Variants in ZNF577 observed in about 807,000 individuals in gnomAD.
ZNF577 encodes zinc finger protein 577.
Under a neutral mutation model 13.9 loss-of-function variants are expected in ZNF577, and 14 were observed. That is an observed-to-expected ratio of 1.00 (90% CI 0.66 to 1.57). The LOEUF (loss-of-function observed/expected upper bound fraction) is 1.57. ZNF577 is among the 40% of genes most tolerant of loss of function. The pLI, the probability that ZNF577 is intolerant of heterozygous loss-of-function variation, is 0.00. For synonymous variants in ZNF577, 203 were observed against 202.9 expected, an observed-to-expected ratio of 1.00 and a Z score of 0.00; for missense variants, 555 against 579.2, an observed-to-expected ratio of 0.96 and a Z score of 0.43.
In ZNF577 at chr19:51,871,563, T is replaced by G. The variant is rs1215295176; in HGVS notation, c.*969A>C. The G allele has an allele frequency of 6.6e-6, 1 of 152,240 alleles. No individual in the cohort carries two copies. The highest frequency in any genetic ancestry group is 1.5e-5 in the Non-Finnish European group (1 of 68,044). The allele number at this position is 152,240 out of a possible 1,614,324, so 9.4% of individuals were successfully genotyped here. Reference sequence around the variant, plus strand: ...TTTAACATTTCAAGAGCATCTATAATGCTCACATATAACAATCATAGCATA... The same window carrying G: ...TTTAACATTTCAAGAGCATCTATAAGGCTCACATATAACAATCATAGCATA... On this transcript the variant is annotated 3_prime_UTR_variant, in exon 6 of 6. Coordinates refer to ENST00000638348, the MANE Select transcript of ZNF577 (RefSeq NM_001370449.1).
chr19:51,878,356 A>C, intron 4 of ZNF577, 33 bp downstream of exon 4: 1 of 1,609,102 alleles, frequency 6.2e-7, no homozygotes. Context: ...CAAATAAGAA[A>C]GAAAAGGTAA....
In ZNF577 at chr19:51,877,295, A is replaced by T. The variant is rs1394463853; in HGVS notation, c.270T>A (p.Ser90Arg). 6.2e-7 allele frequency: 1 copy of T among 1,613,772 alleles called. No homozygotes were observed. The highest frequency in any genetic ancestry group is 2.2e-5 in the East Asian group (1 of 44,882). ...TCACTCACTTACCTGGACAGATTTG[A>T]CTGTGGGCTGCTCCTTCTGCTATCC... Reference protein sequence around the residue: ...PPGIAEGAAHSQICPGFVIQS... With the variant: ...PPGIAEGAAHRQICPGFVIQS... The change falls in exon 5 of 6, where the codon AGT (serine) becomes AGA (arginine). Residue 90 changes from serine (S) to arginine (R), a missense_variant. Physicochemically the swap from Ser to Arg is moderately radical, Grantham distance 110. Transcript: ENST00000638348.
intron 1 of ZNF577, chr19:51,886,402 T>C (rs1348333071): frequency 1.3e-5 from 2 of 152,236 alleles, no homozygotes; most frequent in Admixed American, 6.5e-5. Flanking sequence ...CAATGGATTA[T>C]GGATTATTCC....
chr19:51,846,652 G>C (rs1024438068), intron 5 of ZNF577, among the ~76,000 whole-genome samples: 7 of 151,962 alleles, frequency 4.6e-5, no homozygotes, highest in Non-Finnish European at 1.0e-4. Flanking sequence ...AGGTTGCAGT[G>C]AGCCGAGATC....
chr19:51,829,652 C>T (rs892488381), intron 9 of ZNF577, among the ~76,000 whole-genome samples: 1 of 152,184 alleles, frequency 6.6e-6, no homozygotes, highest in Non-Finnish European at 1.5e-5. Flanking sequence ...TCCTGGGTAG[C>T]AGCAATTCCC....
At position 51,873,841 on chromosome 19, in the gene ZNF577, T is replaced by C; in HGVS notation, c.284-135A>G. ...TTGACATCTTTCAAAATGTTTAAGC[T>C]CATTTTGGTTTTCTGGGTACCACTG... On this transcript the variant is annotated intron_variant, in intron 5 of 5. Coordinates refer to ENST00000638348, the MANE Select transcript of ZNF577 (RefSeq NM_001370449.1). The C allele has an allele frequency of 1.3e-5, 10 of 783,972 alleles. No homozygotes were observed. The South Asian group carries it at 2.0e-4, about 16-fold the overall frequency. 48.6% of individuals were successfully genotyped at this position (783,972 alleles called of 1,614,324 possible).
chr19:51,881,886 C>T (rs116202058), intron 1 of ZNF577, among the ~76,000 whole-genome samples: 2,085 of 152,292 alleles, frequency 0.014, 50 homozygotes, highest in African/African-American at 0.046. Context: ...TGAGAACACC[C>T]ACACTGTGAG....
chr19:51,830,337 G>A (rs2084255762), intron 9 of ZNF577, among the ~76,000 whole-genome samples: 1 of 152,148 alleles, frequency 6.6e-6, no homozygotes, highest in South Asian at 2.1e-4. Context: ...GCGTCCTCCT[G>A]AACTTTACAA....
intron 1 of ZNF577, among the ~76,000 whole-genome samples, chr19:51,883,379 C>G (rs2084893667): frequency 6.6e-6 from 1 of 152,068 alleles, no homozygotes; most frequent in African/African-American, 2.4e-5. Context: ...CCCACCTCAG[C>G]CTCCCAAAGT....
At chr19:51,866,978 A>AAG (rs201005534), downstream of ZNF577, among the ~76,000 whole-genome samples, 3 of 149,844 alleles carry the variant, frequency 2.0e-5, no homozygotes, top group Admixed American at 6.6e-5. Flanking sequence ...AGAAGAAAGA[A>AAG]AGAGAGAGAG....
chr19:51,824,133 C>T lies in ZNF577; in HGVS notation c.*600-12459G>A, dbSNP rs138939061. ...TCTGGACCGCTGTATTTGTGTCCTG[C>T]ATCCAGCCTGGGCCCAGAACCATCG... is the stretch of plus-strand genomic sequence containing the variant. On this transcript the variant is annotated intron_variant and NMD_transcript_variant, in intron 9 of 10. Transcript: ENST00000638827. This position sits in a 1 kb window ranked among gnomAD's most constrained non-coding sequence, Gnocchi z 4.7. The T allele has an allele frequency of 5.6e-6, 9 of 1,613,680 alleles. No homozygotes were observed. The highest frequency in any genetic ancestry group is 5.5e-5 in the South Asian group (5 of 91,020).
intron 2 of ZNF577, 41 bp from the exon 3 acceptor site, chr19:51,880,442 C>T (rs919957896): frequency 6.8e-5 from 107 of 1,581,024 alleles, no homozygotes; most frequent in East Asian, 2.2e-4. Context: ...CAGAGAAAAC[C>T]CACAGGGTCT....
chr19:51,865,069 T>C (rs1036100387), downstream of ZNF577, among the ~76,000 whole-genome samples: 2 of 152,224 alleles, frequency 1.3e-5, no homozygotes, highest in Non-Finnish European at 2.9e-5. Flanking sequence ...TCTTTAATTC[T>C]GCATGCAACA....
Position 51,819,215 on chromosome 19 carries a change from C to T in ZNF577, c.*600-7541G>A, listed in dbSNP as rs543565142. On this transcript the variant is annotated intron_variant and NMD_transcript_variant, in intron 9 of 10. Coordinates refer to the ZNF577 transcript ENST00000638827. ...GGGACAAGCAACAGTTTAGTTTGGG[C>T]AATGTTGGGTTTGGAGTGTCTATGG... 1.3e-4 allele frequency among the ~76,000 whole-genome samples: 20 copies of T among 152,188 alleles called. No homozygotes were observed. In the East Asian group the frequency reaches 3.7e-3, roughly 28 times the overall value.
intron 9 of ZNF577, among the ~76,000 whole-genome samples, chr19:51,828,742 C>G (rs899401864): frequency 1.3e-5 from 2 of 152,096 alleles, no homozygotes; most frequent in Non-Finnish European, 1.5e-5. Context: ...CAGGCCTGGT[C>G]GGTCTGGGAC....
intron 9 of ZNF577, among the ~76,000 whole-genome samples, chr19:51,835,175 A>G (rs1440000647): frequency 6.6e-6 from 1 of 152,160 alleles, no homozygotes; most frequent in Non-Finnish European, 1.5e-5. Context: ...AATACTAATC[A>G]AGAAAAAAGA....
Position 51,857,348 on chromosome 19 carries a change from G to GGAA in ZNF577, c.284-12418_284-12417insTTC, listed in dbSNP as rs1568442058. 1.2e-3 allele frequency among the ~76,000 whole-genome samples: 72 copies of GGAA among 58,654 alleles called. 1 individual carries two copies. The highest frequency in any genetic ancestry group is 6.5e-3 in the African/African-American group (71 of 10,910). The allele number at this position is 58,654 out of a possible 152,430, so 38.5% of individuals were successfully genotyped here. A position where few individuals can be genotyped will look rare whatever the true frequency, so the allele number is the denominator to read the frequency against. On this transcript the variant is annotated intron_variant and NMD_transcript_variant, in intron 5 of 10. Coordinates refer to the ZNF577 transcript ENST00000638827. Reference sequence around the variant, plus strand: ...AAAGGAGAAAGGAGAGAAAGAAAGAGAGAAAGAAAGAAGGAAGGAAAGAAA... The same window carrying GGAA: ...AAAGGAGAAAGGAGAGAAAGAAAGAGGAAAGAAAGAAAGAAGGAAGGAAAGAAA...
rs541859950 is a variant in ZNF577, at chr19:51,813,460, C to A, written c.*600-1786G>T. ...GGCCCAGGGAATGATCTAAGGATGTCATGTTTCAGTGGTGAAAGATAAGGA... is the reference window on the plus strand; with the variant it reads ...GGCCCAGGGAATGATCTAAGGATGTAATGTTTCAGTGGTGAAAGATAAGGA... On this transcript the variant is annotated intron_variant and NMD_transcript_variant, in intron 9 of 10. Coordinates refer to the ZNF577 transcript ENST00000638827. Among the ~76,000 whole-genome samples the A allele has an allele frequency of 9.2e-5, 14 of 152,008 alleles. No individual in the cohort carries two copies. In the East Asian group the frequency reaches 2.5e-3, roughly 27 times the overall value.
chr19:51,870,306 C>T lies in ZNF577; in HGVS notation c.*2226G>A, dbSNP rs2084638738. Among the ~76,000 whole-genome samples, 1 of 152,180 alleles carries T rather than the reference C, an allele frequency of 6.6e-6. No individual in the cohort carries two copies. The highest frequency in any genetic ancestry group is 1.5e-5 in the Non-Finnish European group (1 of 68,022). On this transcript the variant is annotated 3_prime_UTR_variant, in exon 6 of 6. Coordinates refer to ENST00000638348, the MANE Select transcript of ZNF577 (RefSeq NM_001370449.1). ...GGGTAAGTTTGTATTGGATGCCAGA[C>T]ATGGTCAATTACTGACTGGTAGATT...
Sources: allele counts gnomAD v4.1 joint callset (sites outside exome capture counted in the v4.1 genomes callset), GRCh38; gene constraint gnomAD v4.1.1; non-coding constraint Gnocchi (gnomAD v3.1); transcripts MANE v1.5; gene names NCBI Gene and HGNC (gene_info 2026-07-23, HGNC 2026-07-21).